Variants in COMMD1 observed in about 807,000 individuals in gnomAD.
The protein encoded by COMMD1 is copper metabolism domain containing 1, also known as COMM domain-containing protein 1.
A neutral mutation model predicts 17.2 loss-of-function variants in COMMD1; 10 were observed. The ratio of observed to expected loss-of-function variants is 0.58; its 90% CI spans 0.36 to 0.99. The LOEUF is 0.99. Ranked by LOEUF, COMMD1 falls within the 50% of genes least tolerant of loss-of-function variation. COMMD1 has a pLI of 0.01. For synonymous variants in COMMD1, 97 were observed against 91.6 expected, an observed-to-expected ratio of 1.06 and a Z score of -0.34; for missense variants, 270 against 231.8, an observed-to-expected ratio of 1.17 and a Z score of -1.07.
intron 1 of COMMD1, among the ~76,000 whole-genome samples, chr2:61,937,693 T>C (rs145360031): frequency 3.9e-5 from 6 of 152,340 alleles, no homozygotes; most frequent in African/African-American, 1.4e-4. Context: ...TGTTTTTAGT[T>C]TTAGTATGTA....
intron 1 of COMMD1, among the ~76,000 whole-genome samples, chr2:61,893,791 G>A (rs905562023): frequency 6.7e-6 from 1 of 150,186 alleles, no homozygotes; most frequent in African/African-American, 2.5e-5. Context: ...TCCAGCTTGG[G>A]CAACAAGAAC....
At chr2:61,976,223 A>C (rs778485750) in intron 1 of COMMD1, among the ~76,000 whole-genome samples, 2 of 151,870 alleles carry the variant, frequency 1.3e-5, no homozygotes, top group African/African-American at 4.8e-5. Flanking sequence ...AAAAAAATAC[A>C]TACTGTCAGA....
chr2:61,937,700 T>G (rs1190795639), intron 1 of COMMD1, among the ~76,000 whole-genome samples: 1 of 152,240 alleles, frequency 6.6e-6, no homozygotes, highest in Non-Finnish European at 1.5e-5. Flanking sequence ...AGTTTTAGTA[T>G]GTAATCTTGG....
exon 1 of COMMD1, chr2:61,888,841 T>C: frequency 2.9e-6 from 1 of 342,658 alleles, no homozygotes; most frequent in Non-Finnish European, 5.3e-6. Context: ...TAAAGGCGAG[T>C]GGTGAGGACA....
upstream of COMMD1, chr2:61,888,427 G>T (rs746330571): frequency 1.2e-6 from 2 of 1,612,706 alleles, no homozygotes; most frequent in Admixed American, 1.7e-5. Flanking sequence ...CTGGCTTGTC[G>T]CGGTCCTGAT....
At chr2:61,977,937 C>T (rs900416920) in intron 1 of COMMD1, among the ~76,000 whole-genome samples, 9 of 150,996 alleles carry the variant, frequency 6.0e-5, no homozygotes, top group Non-Finnish European at 1.0e-4. Flanking sequence ...TGCAGTGAGC[C>T]GAGATAGTGC....
chr2:61,974,315 T>G lies in COMMD1; in HGVS notation c.181-26386T>G, dbSNP rs566737280. On this transcript the variant is annotated intron_variant, in intron 1 of 2. Transcript: ENST00000311832. Reference sequence around the variant, plus strand: ...AAGTTTATATGATGGAATTATACAGTAAATAATCTGTATCTATTTTCATTT... The same window carrying G: ...AAGTTTATATGATGGAATTATACAGGAAATAATCTGTATCTATTTTCATTT... Among the ~76,000 whole-genome samples the G allele has an allele frequency of 2.6e-5, 4 of 152,130 alleles. No individual in the cohort carries two copies. In the South Asian group the frequency reaches 8.3e-4, roughly 32 times the overall value.
chr2:61,893,474 C>T (rs1669482012), intron 1 of COMMD1, among the ~76,000 whole-genome samples: 2 of 151,528 alleles, frequency 1.3e-5, no homozygotes, highest in African/African-American at 2.4e-5. Flanking sequence ...GCCAGGTTTT[C>T]TATCGAAAAA....
intron 1 of COMMD1, among the ~76,000 whole-genome samples, chr2:61,924,375 G>A (rs551022719): frequency 6.8e-5 from 10 of 147,878 alleles, no homozygotes; most frequent in South Asian, 2.2e-4. Flanking sequence ...ACTCAGAGTC[G>A]GAGGGGGGAT....
At chr2:62,041,869 A>G (rs1341599716) in intron 2 of COMMD1, among the ~76,000 whole-genome samples, 2 of 152,182 alleles carry the variant, frequency 1.3e-5, no homozygotes, top group Non-Finnish European at 1.5e-5. Flanking sequence ...TGAGTGTTGC[A>G]GCTCATAAAG....
chr2:61,893,299 C>T (rs1280973824), intron 1 of COMMD1, among the ~76,000 whole-genome samples: 2 of 151,602 alleles, frequency 1.3e-5, no homozygotes, highest in African/African-American at 2.4e-5. Context: ...TCTAACCTTC[C>T]CAGTTAAAAT....
At chr2:61,942,540 CTTTTTTTTTTT>C (rs759905506) in intron 1 of COMMD1, among the ~76,000 whole-genome samples, 241 of 112,290 alleles carry the variant, frequency 2.1e-3, no homozygotes, top group Non-Finnish European at 3.3e-3. Flanking sequence ...TGTGCCTGGC[CTTTTTTTTTTT>C]TTTTTTTTTT....
At position 61,905,689 on chromosome 2, in the gene COMMD1, G is replaced by A; in HGVS notation, c.11G>A (p.Gly4Asp). 1.3e-6 allele frequency: 2 copies of A among 1,566,048 alleles called. No homozygotes were observed. The highest frequency in any genetic ancestry group is 1.7e-6 in the Non-Finnish European group (2 of 1,153,442). Residue 4 changes from glycine to aspartate, a missense_variant, in exon 1 of 3, where the codon GGC (glycine) becomes GAC (aspartate). Transcript: ENST00000311832. MAA[G>D]ELEGGKPLSG... ...GGGCCTTCGCAGAGCATGGCGGCGG[G>A]CGAGCTTGAGGGTGGCAAACCCCTG...
At chr2:62,036,737 C>T (rs1410457841) in intron 2 of COMMD1, among the ~76,000 whole-genome samples, 1 of 152,130 alleles carries the variant, frequency 6.6e-6, no homozygotes, top group African/African-American at 2.4e-5. Flanking sequence ...ATACATAGAC[C>T]ATCCATCACT....
chr2:61,889,832 A>T (rs531746416), intron 1 of COMMD1, among the ~76,000 whole-genome samples: 4 of 152,208 alleles, frequency 2.6e-5, no homozygotes, highest in South Asian at 2.1e-4. Flanking sequence ...CGTAAACATT[A>T]TAATAAAGAT....
chr2:62,085,942 C>G (rs939011667), intron 2 of COMMD1, among the ~76,000 whole-genome samples: 16 of 151,834 alleles, frequency 1.1e-4, no homozygotes, highest in African/African-American at 3.6e-4. Context: ...CGTGCCACTG[C>G]ACTCCAGCCT....
chr2:62,010,299 T>A (rs1669243446), intron 2 of COMMD1, among the ~76,000 whole-genome samples: 1 of 151,210 alleles, frequency 6.6e-6, no homozygotes, highest in Admixed American at 6.6e-5. Context: ...TTCTAGCTCT[T>A]TTTTTTTTCT....
At chr2:61,905,672 G>T (rs771656638), upstream of COMMD1, 11 of 1,545,738 alleles carry the variant, frequency 7.1e-6, no homozygotes, top group East Asian at 4.8e-5. Context: ...CGGGGCCTTC[G>T]CAGAGCATGG....
intron 2 of COMMD1, among the ~76,000 whole-genome samples, chr2:62,065,946 G>A (rs760189417): frequency 3.3e-5 from 5 of 152,140 alleles, no homozygotes; most frequent in African/African-American, 7.2e-5. Context: ...AATAAGAGTG[G>A]GAAATAGCTA....
Sources: gnomAD v4.1 joint callset for allele counts (sites outside exome capture counted in the v4.1 genomes callset) on GRCh38, gnomAD v4.1.1 for gene constraint, MANE v1.5 for transcripts, NCBI Gene and HGNC (gene_info 2026-07-23, HGNC 2026-07-21) for gene names.